RBSN: variants seen among roughly 807,000 people sequenced by gnomAD.
RBSN encodes the protein rabenosyn, RAB effector.
RBSN carries 34 observed loss-of-function variants against 60.5 expected under a neutral mutation model. The observed-to-expected ratio is 0.56, with a 90% CI of 0.43 to 0.75. The LOEUF (loss-of-function observed/expected upper bound fraction) is 0.75. RBSN is among the 30% of genes least tolerant of loss of function. RBSN has a pLI of 0.00. For missense variants in RBSN, 845 were observed against 986.8 expected (o/e 0.86, Z 1.92); for synonymous variants, 322 against 366.9 (o/e 0.88, Z 1.40).
In RBSN at chr3:15,072,756, C is replaced by T. The variant is rs2042949886; in HGVS notation, c.*1026G>A. The T allele has an allele frequency of 6.6e-6, 1 of 152,240 alleles. No homozygotes were observed. Among genetic ancestry groups the T allele is most frequent in the Non-Finnish European group, 1.5e-5 (1 of 68,062 alleles). The allele number at this position is 152,240 out of a possible 1,614,324, so 9.4% of individuals were successfully genotyped here. A position where few individuals can be genotyped will look rare whatever the true frequency, so the allele number is the denominator to read the frequency against. On this transcript the variant is annotated 3_prime_UTR_variant, in exon 14 of 14. Transcript: ENST00000253699. ...GAGACGGAGTCTCACTCTCACTGCC[C>T]AGGCTGGAGTGCAGTGGTGCGATCT...
chr3:15,093,216 G>C (rs1485974997), intron 4 of RBSN, among the ~76,000 whole-genome samples: 2 of 152,186 alleles, frequency 1.3e-5, no homozygotes, highest in Non-Finnish European at 2.9e-5. Context: ...AAATGGAGAC[G>C]TAATCTGCTT....
At chr3:15,090,901 G>A (rs1470408200) in intron 4 of RBSN, among the ~76,000 whole-genome samples, 1 of 152,108 alleles carries the variant, frequency 6.6e-6, no homozygotes, top group African/African-American at 2.4e-5. Flanking sequence ...TTGGAGTGGT[G>A]GTGAAGTGGG....
rs778359796 is a variant in RBSN, at chr3:15,074,581, C to T, written c.1556G>A (p.Arg519Gln). 40 of 1,614,128 alleles carry T rather than the reference C, an allele frequency of 2.5e-5. 1 individual carries two copies. The highest frequency in any genetic ancestry group is 3.1e-5 in the Non-Finnish European group (36 of 1,180,052). Residue 519 changes from arginine to glutamine, a missense_variant, in exon 14 of 14, where the codon CGG (arginine) becomes CAG (glutamine). Coordinates refer to ENST00000253699, the MANE Select transcript of RBSN (RefSeq NM_022340.4). The surrounding 1 kb of genome is among the most constrained non-coding windows in gnomAD (Gnocchi z 6.4). ...RRQAEEEDLQ[R>Q]EQLQMLRERE... ...TTCACGCAACATCTGCAGCTGTTCCCGCTGCAGGTCCTCCTCCTCAGCCTG... is the reference window on the plus strand; with the variant it reads ...TTCACGCAACATCTGCAGCTGTTCCTGCTGCAGGTCCTCCTCCTCAGCCTG...
chr3:15,090,313 C>T (rs750347145), intron 5 of RBSN, 86 bp downstream of exon 5: 3 of 1,444,762 alleles, frequency 2.1e-6, no homozygotes, highest in Non-Finnish European at 2.8e-6. Flanking sequence ...TTTACTGATG[C>T]CTCCTCAGCC....
At chr3:15,093,847 G>A (rs1407950535) in intron 4 of RBSN, among the ~76,000 whole-genome samples, 1 of 151,948 alleles carries the variant, frequency 6.6e-6, no homozygotes, top group South Asian at 2.1e-4. Flanking sequence ...GACTACAAAT[G>A]CATGTCATCA....
chr3:15,091,235 AAAT>A, intron 4 of RBSN: 1 of 484,154 alleles, frequency 2.1e-6, no homozygotes, highest in Non-Finnish European at 2.7e-6. Context: ...AAAAAAAAAA[AAAT>A]TAAAACTATA....
At position 15,073,937 on chromosome 3, in the gene RBSN, TG is replaced by T; in HGVS notation, c.2199del (p.Ile734Ter). On this transcript the variant is annotated frameshift_variant, in exon 14 of 14. Transcript: ENST00000253699. LOFTEE classifies it high-confidence loss of function. ...DSDSGPEAEE[P>X]IEEELLLQQI... ...TGCTGCAGGAGGAGCTCTTCCTCTA[TG>T]GGCTCCTCAGCCTCTGGCCCACTGT... 6.2e-7 allele frequency: 1 copy of T among 1,614,122 alleles called. No individual in the cohort carries two copies. Among genetic ancestry groups the T allele is most frequent in the African/African-American group, 1.3e-5 (1 of 75,014 alleles).
chr3:15,080,321 G>A (rs1216442658), intron 10 of RBSN, among the ~76,000 whole-genome samples: 2 of 151,826 alleles, frequency 1.3e-5, no homozygotes, highest in African/African-American at 2.4e-5. Context: ...TGCTCTAATG[G>A]TCATGCCTGC....
intron 5 of RBSN, among the ~76,000 whole-genome samples, chr3:15,089,462 A>AAAAAAAC (rs2043440036): frequency 1.6e-5 from 2 of 122,840 alleles, no homozygotes; most frequent in Admixed American, 8.0e-5. Context: ...TCTCCAAAAA[A>AAAAAAAC]AAAAAAAAAA....
chr3:15,085,048 G>T lies in RBSN; in HGVS notation c.391-3C>A. ...TTTGTTCTGTCAAATGCAGTGAGCT[G>T]ACCGGAAGAAAATAGTGCCAAATGA... On this transcript the variant is annotated splice_region_variant and splice_polypyrimidine_tract_variant and intron_variant, in intron 6 of 13. Coordinates refer to ENST00000253699, the MANE Select transcript of RBSN (RefSeq NM_022340.4). 2 of 1,614,186 alleles carry T rather than the reference G, an allele frequency of 1.2e-6. No homozygotes were observed. The highest frequency in any genetic ancestry group is 2.2e-5 in the South Asian group (2 of 91,042).
At chr3:15,089,456 C>CCA (rs2043437194) in intron 5 of RBSN, among the ~76,000 whole-genome samples, 3 of 31,464 alleles carry the variant, frequency 9.5e-5, no homozygotes, top group Non-Finnish European at 1.2e-4. Flanking sequence ...ACTCCATCTC[C>CCA]AAAAAAAAAA....
At chr3:15,079,805 G>A (rs909403538) in intron 10 of RBSN, among the ~76,000 whole-genome samples, 3 of 152,192 alleles carry the variant, frequency 2.0e-5, no homozygotes, top group African/African-American at 7.2e-5. Flanking sequence ...AATGGGTATG[G>A]GGTTTCCTAC....
At chr3:15,076,007 C>T (rs901344842) in intron 12 of RBSN, among the ~76,000 whole-genome samples, 1 of 152,030 alleles carries the variant, frequency 6.6e-6, no homozygotes, top group South Asian at 2.1e-4. Context: ...AAACCTCAAT[C>T]CCAGCCCTCT....
Position 15,090,344 on chromosome 3 carries a change from G to C in RBSN, c.289+55C>G, listed in dbSNP as rs41284023. 0.012 allele frequency: 19,311 copies of C among 1,595,068 alleles called. 159 individuals are homozygous for C. Among genetic ancestry groups the C allele is most frequent in the Non-Finnish European group, 0.015 (17,548 of 1,167,804 alleles). Reference sequence around the variant, plus strand: ...CAGCCAACTCTTAAAACTTTACCTAGAACATAGCAGATGCTCAATAACCAC... The same window carrying C: ...CAGCCAACTCTTAAAACTTTACCTACAACATAGCAGATGCTCAATAACCAC... On this transcript the variant is annotated intron_variant, in intron 5 of 13. Transcript: ENST00000253699.
At position 15,084,476 on chromosome 3, in the gene RBSN, T is replaced by C. The variant is rs1245808972; in HGVS notation, c.598+259A>G. ...AAGAAGAAATGTCACAGCAACCATA[T>C]GTGGCCCACAAAGCCTAAATGTATT... On this transcript the variant is annotated intron_variant, in intron 8 of 13. Transcript: ENST00000253699. This position sits in a 1 kb window ranked among gnomAD's most constrained non-coding sequence, Gnocchi z 4.2. Among the ~76,000 whole-genome samples, 1 of 152,202 alleles carries C rather than the reference T, an allele frequency of 6.6e-6. No individual in the cohort carries two copies.
At position 15,073,452 on chromosome 3, in the gene RBSN, C is replaced by A; in HGVS notation, c.*330G>T. ...ACACAGCAGCCATTTCTGCCCTGGG[C>A]CCAACAGAGCTGCATTTAGTTATAT... On this transcript the variant is annotated 3_prime_UTR_variant, in exon 14 of 14. Coordinates refer to ENST00000253699, the MANE Select transcript of RBSN (RefSeq NM_022340.4). The A allele has an allele frequency of 3.7e-6, 1 of 267,646 alleles. No individual in the cohort carries two copies. The highest frequency in any genetic ancestry group is 7.1e-6 in the Non-Finnish European group (1 of 140,138). 16.6% of individuals were successfully genotyped at this position (267,646 alleles called of 1,614,324 possible).
chr3:15,078,364 C>CAGGGACA (rs1396040217), intron 10 of RBSN, among the ~76,000 whole-genome samples: 1 of 152,174 alleles, frequency 6.6e-6, no homozygotes, highest in Non-Finnish European at 1.5e-5. Context: ...GCAGACGCAA[C>CAGGGACA]AGGGACAGAT....
At chr3:15,089,548 T>C (rs1390977973) in intron 5 of RBSN, among the ~76,000 whole-genome samples, 1 of 150,782 alleles carries the variant, frequency 6.6e-6, no homozygotes, top group Non-Finnish European at 1.5e-5. Context: ...AATAGCTTTA[T>C]TGAGATATAA....
chr3:15,086,288 A>G (rs553574208), intron 5 of RBSN, among the ~76,000 whole-genome samples: 2 of 152,252 alleles, frequency 1.3e-5, no homozygotes, highest in South Asian at 4.1e-4. Context: ...ATATTTCAAA[A>G]GCAAGTAAAA....
Sources: gnomAD v4.1 joint callset for allele counts (sites outside exome capture counted in the v4.1 genomes callset) on GRCh38, gnomAD v4.1.1 for gene constraint, Gnocchi (gnomAD v3.1) non-coding constraint, MANE v1.5 for transcripts, NCBI Gene and HGNC (gene_info 2026-07-23, HGNC 2026-07-21) for gene names.